The following RAB32 variants were observed in gnomAD, a reference collection of about 807,000 sequenced individuals.
RAB32 encodes RAB32, member RAS oncogene family.
In RAB32, 17 loss-of-function variants were observed where a neutral mutation model predicts 17.5. The ratio of observed to expected loss-of-function variants is 0.97; its 90% CI spans 0.67 to 1.46. The LOEUF is 1.46. RAB32 is among the 40% of genes most tolerant of loss of function. RAB32 has a pLI of 0.00. For missense variants in RAB32, 288 were observed against 284.3 expected (o/e 1.01, Z -0.09); for synonymous variants, 115 against 111.1 (o/e 1.04, Z -0.22).
chr6:146,551,607 G>A (rs1411550378), intron 2 of RAB32, among the ~76,000 whole-genome samples: 3 of 151,850 alleles, frequency 2.0e-5, no homozygotes, highest in Admixed American at 6.6e-5. Context: ...AAAAAAAAGG[G>A]GCAGTAAGTA....
At chr6:146,550,893 A>G (rs1424250816) in intron 2 of RAB32, among the ~76,000 whole-genome samples, 2 of 152,028 alleles carry the variant, frequency 1.3e-5, no homozygotes, top group Non-Finnish European at 2.9e-5. Context: ...TGTTCTGTGG[A>G]TTTCTTGTGT....
chr6:146,544,158 G>C (rs200978764), intron 1 of RAB32, 37 bp downstream of exon 1: 2 of 1,571,344 alleles, frequency 1.3e-6, no homozygotes, highest in East Asian at 2.4e-5. Context: ...CCAGAGCCCC[G>C]CCGGGCCGCC....
chr6:146,550,616 C>A (rs1036648010), intron 2 of RAB32, among the ~76,000 whole-genome samples: 3 of 145,164 alleles, frequency 2.1e-5, no homozygotes, highest in Non-Finnish European at 4.5e-5. Context: ...GAGATCATGC[C>A]ACTGCACTCC....
chr6:146,552,398 A>T (rs903137973), intron 2 of RAB32, among the ~76,000 whole-genome samples: 19 of 152,206 alleles, frequency 1.2e-4, no homozygotes, highest in African/African-American at 4.6e-4. Context: ...TTTCAGTGCT[A>T]TGAAAGATGC....
At chr6:146,549,860 G>A (rs1381475890) in intron 2 of RAB32, 119 bp downstream of exon 2, 6 of 1,182,950 alleles carry the variant, frequency 5.1e-6, no homozygotes, top group Middle Eastern at 2.7e-4. Context: ...AATGAGAAGT[G>A]TAGCATGGAT....
At chr6:146,544,227 C>T in intron 1 of RAB32, 106 bp downstream of exon 1, 2 of 1,400,952 alleles carry the variant, frequency 1.4e-6, no homozygotes, top group Non-Finnish European at 1.9e-6. Context: ...GCCTGGGTAC[C>T]TTTAGGAGAA....
rs1047854586 is a variant in RAB32, at chr6:146,543,903, TG to T, written c.37del (p.Ala13ArgfsTer18). 1 of 1,582,846 alleles carries T rather than the reference TG, an allele frequency of 6.3e-7. No homozygotes were observed. The highest frequency in any genetic ancestry group is 8.6e-7 in the Non-Finnish European group (1 of 1,167,110). ...GGCGGAGGAGCCGGGGACCCCGGCC[TG>T]GGGGCGGCCGCCGCCCCAGCGCCCG... is the stretch of plus-strand genomic sequence containing the variant. MAGGGAGDPG[L>X]GAAAAPAPET... is the part of the protein sequence containing the mutation. On this transcript the variant is annotated frameshift_variant, in exon 1 of 3. Transcript: ENST00000367495. LOFTEE classifies it high-confidence loss of function.
In RAB32 at chr6:146,547,959, T is replaced by C. The variant is rs540475523; in HGVS notation, c.251-1505T>C. ...CTTTTCATATTCAATAATTAAAATA[T>C]ATAAAAATGGAAGTGGTTGGTAATG... On this transcript the variant is annotated intron_variant, in intron 1 of 2. Coordinates refer to ENST00000367495, the MANE Select transcript of RAB32 (RefSeq NM_006834.5). Among the ~76,000 whole-genome samples, 40 of 152,304 alleles carry C rather than the reference T, an allele frequency of 2.6e-4. No individual in the cohort carries two copies. The South Asian group carries it at 7.7e-3, about 29-fold the overall frequency.
In RAB32 at chr6:146,544,007, G is replaced by C. The variant is rs1332768479; in HGVS notation, c.136G>C (p.Val46Leu). The part of the protein sequence containing the change: ...VGKTSIIKRY[V>L]HQLFSQHYRA... Reference sequence around the variant, plus strand: ...CAAGACCAGCATCATCAAGCGCTACGTCCACCAGCTCTTCTCCCAGCACTA... The same window carrying C: ...CAAGACCAGCATCATCAAGCGCTACCTCCACCAGCTCTTCTCCCAGCACTA... The change falls in exon 1 of 3, where the codon GTC (valine) becomes CTC (leucine). Residue 46 changes from valine to leucine, a missense_variant. By Grantham distance (32) the Val-to-Leu change is conservative. Transcript: ENST00000367495. 1 of 1,613,850 alleles carries C rather than the reference G, an allele frequency of 6.2e-7. No individual in the cohort carries two copies. The highest frequency in any genetic ancestry group is 8.5e-7 in the Non-Finnish European group (1 of 1,179,932).
chr6:146,554,508 T>G lies in RAB32; in HGVS notation c.581T>G (p.Val194Gly), dbSNP rs1403592713. ...CGGTTCCTAGTGGAGAAGATTCTTG[T>G]AAACCACCAAAGCTTTCCTAATGAA... ...AARFLVEKIL[V>G]NHQSFPNEEN... Residue 194 changes from valine (V) to glycine (G), a missense_variant, in exon 3 of 3, where the codon GTA becomes GGA. Coordinates refer to ENST00000367495, the MANE Select transcript of RAB32 (RefSeq NM_006834.5). 2 of 1,613,900 alleles carry G rather than the reference T, an allele frequency of 1.2e-6. No homozygotes were observed. Among genetic ancestry groups the G allele is most frequent in the Non-Finnish European group, 1.7e-6 (2 of 1,179,840 alleles).
At chr6:146,551,045 T>A (rs1376313068) in intron 2 of RAB32, among the ~76,000 whole-genome samples, 1 of 152,020 alleles carries the variant, frequency 6.6e-6, no homozygotes, top group Non-Finnish European at 1.5e-5. Context: ...TTGATGCCAA[T>A]GATGATCTGC....
At chr6:146,546,845 A>G (rs1447186631) in intron 1 of RAB32, among the ~76,000 whole-genome samples, 1 of 138,020 alleles carries the variant, frequency 7.2e-6, no homozygotes, top group African/African-American at 2.9e-5. Context: ...AGAAATTATG[A>G]CGAATCTCTA....
At chr6:146,545,825 C>T (rs369400697) in intron 1 of RAB32, among the ~76,000 whole-genome samples, 5 of 152,180 alleles carry the variant, frequency 3.3e-5, no homozygotes, top group African/African-American at 2.4e-5. Context: ...TACCATGTGA[C>T]GGTCATTCTC....
intron 2 of RAB32, among the ~76,000 whole-genome samples, chr6:146,553,867 T>C (rs1323431014): frequency 6.6e-6 from 1 of 152,232 alleles, no homozygotes; most frequent in Non-Finnish European, 1.5e-5. Flanking sequence ...TTACCTACTG[T>C]ATATTTAATG....
rs1403241207 is a variant in RAB32 at position 146,554,846 on chromosome 6, T to G, written c.*241T>G. On this transcript the variant is annotated 3_prime_UTR_variant, in exon 3 of 3. Coordinates refer to ENST00000367495, the MANE Select transcript of RAB32 (RefSeq NM_006834.5). Reference sequence around the variant, plus strand: ...GTTGCCATCATATGGAAGATAATGTTTACATCCTTTTAAACATTTTTATAT... The same window carrying G: ...GTTGCCATCATATGGAAGATAATGTGTACATCCTTTTAAACATTTTTATAT... 1 of 364,114 alleles carries G rather than the reference T, an allele frequency of 2.7e-6. No homozygotes were observed. Among genetic ancestry groups the G allele is most frequent in the African/African-American group, 2.1e-5 (1 of 48,170 alleles). The allele number at this position is 364,114 out of a possible 1,614,324, so 22.6% of individuals were successfully genotyped here.
intron 2 of RAB32, among the ~76,000 whole-genome samples, chr6:146,552,793 G>A (rs1779912942): frequency 1.3e-5 from 2 of 152,166 alleles, no homozygotes; most frequent in African/African-American, 2.4e-5. Flanking sequence ...CTAGAGAAAT[G>A]CCTGATTTTA....
intron 2 of RAB32, among the ~76,000 whole-genome samples, chr6:146,552,068 A>G (rs1451026447): frequency 3.9e-5 from 6 of 152,340 alleles, no homozygotes; most frequent in Admixed American, 2.6e-4. Flanking sequence ...AATTGCAGTC[A>G]TCCGAATTTC....
intron 1 of RAB32, among the ~76,000 whole-genome samples, chr6:146,547,745 C>T (rs1454496424): frequency 7.2e-6 from 1 of 138,282 alleles, no homozygotes; most frequent in African/African-American, 2.7e-5. Flanking sequence ...AAAAAAGCAA[C>T]AGTCACTAAA....
At chr6:146,544,945 A>G (rs1425917758) in intron 1 of RAB32, among the ~76,000 whole-genome samples, 1 of 152,128 alleles carries the variant, frequency 6.6e-6, no homozygotes. Flanking sequence ...TGGAAAGTTC[A>G]TAGAAATGGT....
Sources: gnomAD v4.1 joint callset for allele counts (sites outside exome capture counted in the v4.1 genomes callset) on GRCh38, gnomAD v4.1.1 for gene constraint, MANE v1.5 for transcripts, NCBI Gene and HGNC (gene_info 2026-07-23, HGNC 2026-07-21) for gene names.